TCF19: variants seen among roughly 807,000 people sequenced by gnomAD.
TCF19 encodes transcription factor SC1.
Under a neutral mutation model 18.3 loss-of-function variants are expected in TCF19, and 9 were observed. The ratio of observed to expected loss-of-function variants is 0.49; its 90% confidence interval spans 0.30 to 0.86. The LOEUF (loss-of-function observed/expected upper bound fraction) is 0.86, where lower values mean the gene tolerates loss of function less well. Among genes scored for constraint, TCF19 ranks in the 40% least tolerant of loss-of-function variants. The pLI is 0.07. For missense variants in TCF19, 376 were observed against 464.3 expected (o/e 0.81, Z 1.75); for synonymous variants, 176 against 185.3 (o/e 0.95, Z 0.41).
Position 31,163,467 on chromosome 6 carries a change from A to G in TCF19, c.*750A>G. The stretch of plus-strand genomic sequence containing the variant: ...AAAACAGATCTATTGCCATTTAAAT[A>G]AGGTAACTGGGATTTGGTTAAGTTC... On this transcript the variant is annotated 3_prime_UTR_variant, in exon 4 of 4. Transcript: ENST00000376257. The G allele has an allele frequency of 1.0e-6, 1 of 985,466 alleles. No individual in the cohort carries two copies. The highest frequency in any genetic ancestry group is 1.1e-4 in the East Asian group (1 of 8,822). The allele number at this position is 985,466 out of a possible 1,614,324, so 61.0% of individuals were successfully genotyped here. A position where few individuals can be genotyped will look rare whatever the true frequency, so the allele number is the denominator to read the frequency against.
intron 2 of TCF19, among the ~76,000 whole-genome samples, chr6:31,160,771 A>C (rs1045778027): frequency 2.0e-5 from 3 of 151,808 alleles, no homozygotes; most frequent in East Asian, 3.9e-4. Context: ...ACAAACAAAC[A>C]AACAAAAAGC....
At position 31,159,458 on chromosome 6, in the gene TCF19, G is replaced by A. The variant is rs562549399; in HGVS notation, c.-12G>A. 3 of 1,547,332 alleles carry A rather than the reference G, an allele frequency of 1.9e-6. No individual in the cohort carries two copies. The highest frequency in any genetic ancestry group is 2.6e-6 in the Non-Finnish European group (3 of 1,141,742). On this transcript the variant is annotated 5_prime_UTR_variant, in exon 2 of 4. Coordinates refer to ENST00000376257, the MANE Select transcript of TCF19 (RefSeq NM_007109.3). The stretch of plus-strand genomic sequence containing the variant: ...CTGAAGTGGAAGAGGTGGTGCAGAG[G>A]GGGCACCGCCCATGCTGCCCTGCTT...
chr6:31,162,645 T>C lies in TCF19; in HGVS notation c.966T>C (p.Val322=). 1 of 1,612,920 alleles carries C rather than the reference T, an allele frequency of 6.2e-7. No individual in the cohort carries two copies. Among genetic ancestry groups the C allele is most frequent in the South Asian group, 1.1e-5 (1 of 91,068 alleles). Residue 322 remains valine (V), a synonymous_variant, in exon 4 of 4, where the codon GTT becomes GTC. Transcript: ENST00000376257. This position sits in a 1 kb window ranked among gnomAD's most constrained non-coding sequence, Gnocchi z 4.5. ...GCDVWFHVAC[V]GCSIQAAREA... is the part of the protein sequence containing the mutation. The stretch of plus-strand genomic sequence containing the variant: ...ACGTCTGGTTCCATGTGGCCTGTGT[T>C]GGCTGCAGCATCCAGGCTGCCAGGG...
intron 2 of TCF19, 145 bp from the exon 3 acceptor site, chr6:31,161,302 C>T: frequency 1.8e-6 from 1 of 570,398 alleles, no homozygotes; most frequent in Non-Finnish European, 2.8e-6. Context: ...TGGTACCTGT[C>T]ACCTGCTGAG....
rs562319335 is a variant in TCF19, at chr6:31,162,948, A to G, written c.*231A>G. The G allele has an allele frequency of 8.7e-5, 122 of 1,406,666 alleles. 3 individuals are homozygous for G. The South Asian group carries it at 1.9e-3, about 22-fold the overall frequency. The allele number at this position is 1,406,666 out of a possible 1,614,324, so 87.1% of individuals were successfully genotyped here. On this transcript the variant is annotated 3_prime_UTR_variant, in exon 4 of 4. Transcript: ENST00000376257. The surrounding 1 kb of genome is among the most constrained non-coding windows in gnomAD (Gnocchi z 4.5). Reference sequence around the variant, plus strand: ...TGCCACCTCCAGGAAATTGCCAGTGAGCTGGAAGTTCCCACTATTACAAGC... The same window carrying G: ...TGCCACCTCCAGGAAATTGCCAGTGGGCTGGAAGTTCCCACTATTACAAGC...
At chr6:31,160,228 A>G (rs1357219588) in intron 2 of TCF19, among the ~76,000 whole-genome samples, 1 of 152,200 alleles carries the variant, frequency 6.6e-6, no homozygotes, top group Non-Finnish European at 1.5e-5. Context: ...GTTATGAGCC[A>G]GGCCCTATTT....
rs1387635255 is a variant in TCF19, at chr6:31,162,656, T to C, written c.977T>C (p.Ile326Thr). 1 of 1,612,822 alleles carries C rather than the reference T, an allele frequency of 6.2e-7. No individual in the cohort carries two copies. Among genetic ancestry groups the C allele is most frequent in the East Asian group, 2.2e-5 (1 of 44,878 alleles). ...WFHVACVGCS[I>T]QAAREADFRC... Reference sequence around the variant, plus strand: ...CATGTGGCCTGTGTTGGCTGCAGCATCCAGGCTGCCAGGGAGGCCGACTTC... The same window carrying C: ...CATGTGGCCTGTGTTGGCTGCAGCACCCAGGCTGCCAGGGAGGCCGACTTC... The change falls in exon 4 of 4, where the codon ATC (isoleucine) becomes ACC (threonine). Residue 326 changes from isoleucine to threonine, a missense_variant. Coordinates refer to ENST00000376257, the MANE Select transcript of TCF19 (RefSeq NM_007109.3). This position sits in a 1 kb window ranked among gnomAD's most constrained non-coding sequence, Gnocchi z 4.5.
chr6:31,161,153 C>CA (rs527758123), intron 2 of TCF19, among the ~76,000 whole-genome samples: 13,071 of 51,924 alleles, frequency 0.25, 785 homozygotes, highest in Middle Eastern at 0.41. Flanking sequence ...AACTCCATCT[C>CA]AAAAAAAAAA....
chr6:31,163,111 G>T lies in TCF19; in HGVS notation c.*394G>T. The T allele has an allele frequency of 9.6e-7, 1 of 1,041,400 alleles. No individual in the cohort carries two copies. Among genetic ancestry groups the T allele is most frequent in the Non-Finnish European group, 1.2e-6 (1 of 865,058 alleles). The allele number at this position is 1,041,400 out of a possible 1,614,324, so 64.5% of individuals were successfully genotyped here. A position where few individuals can be genotyped will look rare whatever the true frequency, so the allele number is the denominator to read the frequency against. ...TGGTGGCATCACCCAAGGCATTCTGGGAAAACCTAGGGCCTGGCCCCAAAA... is the reference window on the plus strand; with the variant it reads ...TGGTGGCATCACCCAAGGCATTCTGTGAAAACCTAGGGCCTGGCCCCAAAA... On this transcript the variant is annotated 3_prime_UTR_variant, in exon 4 of 4. Coordinates refer to ENST00000376257, the MANE Select transcript of TCF19 (RefSeq NM_007109.3).
rs1387050793 is a variant in TCF19, at chr6:31,162,737, A to G, written c.*20A>G. On this transcript the variant is annotated 3_prime_UTR_variant, in exon 4 of 4. Transcript: ENST00000376257. The surrounding 1 kb of genome is among the most constrained non-coding windows in gnomAD (Gnocchi z 4.5). ...ACCTAAGGTCCACTGCCAAGGCACC[A>G]TCGGACACACCTGCCCATGAGTAGA... 2 of 1,607,120 alleles carry G rather than the reference A, an allele frequency of 1.2e-6. No homozygotes were observed. The highest frequency in any genetic ancestry group is 2.2e-5 in the East Asian group (1 of 44,872).
rs1776846323 is a variant in TCF19, at chr6:31,162,429, TCTC to T, written c.798-45_798-43del. On this transcript the variant is annotated intron_variant, in intron 3 of 3. Transcript: ENST00000376257. This position sits in a 1 kb window ranked among gnomAD's most constrained non-coding sequence, Gnocchi z 4.5. ...CCATAGGGTGGCAAGGTCTAGGCCT[TCTC>T]CTACAGGTTTCCGGTGACCCTTGTG... The T allele has an allele frequency of 1.9e-6, 3 of 1,564,836 alleles. No individual in the cohort carries two copies. Among genetic ancestry groups the T allele is most frequent in the African/African-American group, 1.4e-5 (1 of 73,876 alleles).
rs1399978563 is a variant in TCF19 at position 31,161,770 on chromosome 6, C to G, written c.562C>G (p.Gln188Glu). The G allele has an allele frequency of 3.7e-6, 6 of 1,603,788 alleles. No individual in the cohort carries two copies. Among genetic ancestry groups the G allele is most frequent in the Non-Finnish European group, 4.3e-6 (5 of 1,174,880 alleles). ...SIGSLSKLRPQPLTFSPSWGG... is the reference protein window; with the variant it reads ...SIGSLSKLRPEPLTFSPSWGG... ...AGGCAGCCTCAGCAAGCTCCGGCCCCAGCCCCTCACCTTCTCCCCTAGTTG... is the reference window on the plus strand; with the variant it reads ...AGGCAGCCTCAGCAAGCTCCGGCCCGAGCCCCTCACCTTCTCCCCTAGTTG... The change falls in exon 3 of 4, where the codon CAG becomes GAG. Residue 188 changes from glutamine (Q) to glutamate (E), a missense_variant. Coordinates refer to ENST00000376257, the MANE Select transcript of TCF19 (RefSeq NM_007109.3).
chr6:31,163,617 G>A lies in TCF19; in HGVS notation c.*900G>A. ...GTGACACAGCTCCACTCCACGGGTG[G>A]ACACAGCAGAGGGCAACTGGGCTGG... On this transcript the variant is annotated 3_prime_UTR_variant, in exon 4 of 4. Coordinates refer to ENST00000376257, the MANE Select transcript of TCF19 (RefSeq NM_007109.3). 1 of 985,486 alleles carries A rather than the reference G, an allele frequency of 1.0e-6. No homozygotes were observed. Among genetic ancestry groups the A allele is most frequent in the South Asian group, 4.7e-5 (1 of 21,290 alleles). The allele number at this position is 985,486 out of a possible 1,614,324, so 61.0% of individuals were successfully genotyped here.
At position 31,158,597 on chromosome 6, in the gene TCF19, G is replaced by C. The variant is rs920859088; in HGVS notation, c.-699G>C. The C allele has an allele frequency of 6.6e-6, 1 of 152,230 alleles. No individual in the cohort carries two copies. The highest frequency in any genetic ancestry group is 1.5e-5 in the Non-Finnish European group (1 of 68,056). 9.4% of individuals were successfully genotyped at this position (152,230 alleles called of 1,614,324 possible). ...CAGAGGCCGCGCCCCTCCTGGCCCCGGCTTCTTGGCTGTCAAACAGATGCA... is the reference window on the plus strand; with the variant it reads ...CAGAGGCCGCGCCCCTCCTGGCCCCCGCTTCTTGGCTGTCAAACAGATGCA... On this transcript the variant is annotated 5_prime_UTR_variant, in exon 1 of 4. Transcript: ENST00000376257.
chr6:31,163,354 A>C lies in TCF19; in HGVS notation c.*637A>C. ...AATCTTAGGGGAAGGGGAGAGATGG[A>C]AATACAAACCTGCTTACTGGAAAGG... On this transcript the variant is annotated 3_prime_UTR_variant, in exon 4 of 4. Coordinates refer to ENST00000376257, the MANE Select transcript of TCF19 (RefSeq NM_007109.3). 1 of 985,926 alleles carries C rather than the reference A, an allele frequency of 1.0e-6. No homozygotes were observed. Among genetic ancestry groups the C allele is most frequent in the South Asian group, 4.7e-5 (1 of 21,302 alleles). The allele number at this position is 985,926 out of a possible 1,614,324, so 61.1% of individuals were successfully genotyped here. A position where few individuals can be genotyped will look rare whatever the true frequency, so the allele number is the denominator to read the frequency against.
intron 1 of TCF19, 84 bp from the exon 2 acceptor site, chr6:31,158,813 T>G (rs1234182966): frequency 6.6e-6 from 1 of 152,176 alleles, no homozygotes; most frequent in Non-Finnish European, 1.5e-5. Flanking sequence ...TTATCCCACC[T>G]AGAGAAGCCG....
Position 31,162,783 on chromosome 6 carries a change from T to C in TCF19, c.*66T>C. 6 of 1,570,324 alleles carry C rather than the reference T, an allele frequency of 3.8e-6. No individual in the cohort carries two copies. In the South Asian group the frequency reaches 7.0e-5, roughly 18 times the overall value. ...GTAGACACAGCAGCGAGCAAATAGG[T>C]CTGATAAATACCCCCCTTCCCTTCC... On this transcript the variant is annotated 3_prime_UTR_variant, in exon 4 of 4. Transcript: ENST00000376257. The surrounding 1 kb of genome is among the most constrained non-coding windows in gnomAD (Gnocchi z 4.5).
At chr6:31,160,634 C>T (rs9263790) in intron 2 of TCF19, among the ~76,000 whole-genome samples, 22,141 of 151,958 alleles carry the variant, frequency 0.15, 1,726 homozygotes, top group African/African-American at 0.16. Context: ...TGGCGTGCAC[C>T]TGTAACCCCA....
Position 31,159,406 on chromosome 6 carries a change from C to A in TCF19, c.-64C>A. The stretch of plus-strand genomic sequence containing the variant: ...GCGAACTTAAGCCAGCGGTGCGTGG[C>A]CCAGGAGTGGGAAAGGAAATGGATG... On this transcript the variant is annotated 5_prime_UTR_variant, in exon 2 of 4. Transcript: ENST00000376257. 7.1e-7 allele frequency: 1 copy of A among 1,404,800 alleles called. No homozygotes were observed. The highest frequency in any genetic ancestry group is 9.6e-7 in the Non-Finnish European group (1 of 1,041,994). 87.0% of individuals were successfully genotyped at this position (1,404,800 alleles called of 1,614,324 possible).
Sources: gnomAD v4.1 joint callset for allele counts (sites outside exome capture counted in the v4.1 genomes callset) on GRCh38, gnomAD v4.1.1 for gene constraint, Gnocchi (gnomAD v3.1) non-coding constraint, MANE v1.5 for transcripts, NCBI Gene and HGNC (gene_info 2026-07-23, HGNC 2026-07-21) for gene names.